CCDC146: variants seen among roughly 807,000 people sequenced by gnomAD.
The protein encoded by CCDC146 is coiled-coil domain containing 146, also known as coiled-coil domain-containing protein 146.
In CCDC146, 92 loss-of-function variants were observed where a neutral mutation model predicts 119.3. The ratio of observed to expected loss-of-function variants is 0.77; its 90% CI spans 0.65 to 0.92. The LOEUF is 0.92. Ranked by LOEUF, CCDC146 falls within the 40% of genes least tolerant of loss-of-function variation. CCDC146 has a pLI of 0.00. For missense variants in CCDC146, 1,000 were observed against 1,103.0 expected (o/e 0.91, Z 1.32); for synonymous variants, 372 against 371.8 (o/e 1.00, Z -0.01).
intron 2 of CCDC146, among the ~76,000 whole-genome samples, chr7:77,184,246 C>A (rs767831497): frequency 3.3e-5 from 5 of 152,220 alleles, no homozygotes; most frequent in Non-Finnish European, 5.9e-5. Flanking sequence ...CTCCTGGCTT[C>A]TTTTCCAACC....
chr7:77,173,202 A>AT (rs1275306515), intron 2 of CCDC146, among the ~76,000 whole-genome samples: 12 of 151,586 alleles, frequency 7.9e-5, no homozygotes, highest in Non-Finnish European at 1.6e-4. Context: ...TTATCCCTTT[A>AT]TTTTTTTTAA....
In CCDC146 at chr7:77,182,128, T is replaced by C. The variant is rs529134218; in HGVS notation, c.156+14304T>C. On this transcript the variant is annotated intron_variant, in intron 2 of 18. Transcript: ENST00000285871. ...AATACAAAATAAAGAGGCACAAGAA[T>C]TACCTGACATTAAACCTCAGATTAG... Among the ~76,000 whole-genome samples the C allele has an allele frequency of 5.3e-5, 8 of 152,256 alleles. No homozygotes were observed. In the South Asian group the frequency reaches 8.3e-4, roughly 16 times the overall value.
At chr7:77,141,795 T>A (rs1790937071) in intron 1 of CCDC146, among the ~76,000 whole-genome samples, 1 of 152,222 alleles carries the variant, frequency 6.6e-6, no homozygotes, top group Non-Finnish European at 1.5e-5. Flanking sequence ...TTTAAGTTCC[T>A]TGTAGATTCT....
intron 2 of CCDC146, among the ~76,000 whole-genome samples, chr7:77,231,115 G>A (rs777893982): frequency 1.3e-5 from 2 of 152,098 alleles, no homozygotes; most frequent in African/African-American, 4.8e-5. Flanking sequence ...TCATCCCTTT[G>A]TCCAGCATGT....
chr7:77,209,220 T>C (rs1792137051), intron 2 of CCDC146, among the ~76,000 whole-genome samples: 1 of 152,184 alleles, frequency 6.6e-6, no homozygotes, highest in Non-Finnish European at 1.5e-5. Flanking sequence ...CCAAGATACA[T>C]GGGAGCACAG....
intron 2 of CCDC146, among the ~76,000 whole-genome samples, chr7:77,175,955 T>C (rs111924755): frequency 0.025 from 3,811 of 151,254 alleles, 91 homozygotes; most frequent in South Asian, 0.046. Context: ...CATATGAGGA[T>C]ACAAGCAGTG....
chr7:77,212,950 A>ATTTTTT (rs5885013), intron 2 of CCDC146, among the ~76,000 whole-genome samples: 8 of 111,280 alleles, frequency 7.2e-5, no homozygotes, highest in South Asian at 2.8e-4. Flanking sequence ...GGTCACATTA[A>ATTTTTT]TTTTTTTTTT....
In CCDC146 at chr7:77,241,868, AAG is replaced by A. The variant is rs1792855938; in HGVS notation, c.422_423del (p.Glu141ValfsTer3). On this transcript the variant is annotated frameshift_variant, in exon 4 of 19. Coordinates refer to ENST00000285871, the MANE Select transcript of CCDC146 (RefSeq NM_020879.3). LOFTEE classifies it high-confidence loss of function. Reference sequence around the variant, plus strand: ...AAAATGAATATAATGCAGTGAAGGAAAGAGAGTTCCATAATCAGTACAGATTA... The same window carrying A: ...AAAATGAATATAATGCAGTGAAGGAAAGAGTTCCATAATCAGTACAGATTA... ...YQNEYNAVKEREFHNQYRLNS... is the reference protein window; with the variant it reads ...YQNEYNAVKEXEFHNQYRLNS... 3 of 1,613,900 alleles carry A rather than the reference AAG, an allele frequency of 1.9e-6. No individual in the cohort carries two copies. Among genetic ancestry groups the A allele is most frequent in the Admixed American group, 1.7e-5 (1 of 60,034 alleles).
chr7:77,265,168 T>C (rs1562854006), intron 9 of CCDC146, among the ~76,000 whole-genome samples: 2 of 152,184 alleles, frequency 1.3e-5, no homozygotes, highest in African/African-American at 4.8e-5. Flanking sequence ...CCCTCCTCAG[T>C]CATAGTAAGA....
intron 3 of CCDC146, among the ~76,000 whole-genome samples, chr7:77,238,747 A>T (rs1260246353): frequency 6.6e-6 from 1 of 151,978 alleles, no homozygotes; most frequent in Non-Finnish European, 1.5e-5. Flanking sequence ...CCCAGTGGAG[A>T]TTTGCAGGGT....
At chr7:77,287,084 C>A in intron 16 of CCDC146, 158 bp downstream of exon 16, 1 of 847,578 alleles carries the variant, frequency 1.2e-6, no homozygotes, top group Non-Finnish European at 1.8e-6. Context: ...ACATTCTAAG[C>A]TTGATTTAGA....
At chr7:77,173,537 G>A (rs1228069535) in intron 2 of CCDC146, among the ~76,000 whole-genome samples, 10 of 152,144 alleles carry the variant, frequency 6.6e-5, no homozygotes, top group African/African-American at 2.2e-4. Context: ...GCTGAGGCAG[G>A]AGAATTGCTT....
chr7:77,230,255 G>A (rs917705897), intron 2 of CCDC146, among the ~76,000 whole-genome samples: 1 of 151,866 alleles, frequency 6.6e-6, no homozygotes, highest in Admixed American at 6.6e-5. Context: ...TGCCATATTT[G>A]TGTCCAAGCT....
chr7:77,274,720 C>A, intron 11 of CCDC146, 68 bp downstream of exon 11: 1 of 1,217,088 alleles, frequency 8.2e-7, no homozygotes, highest in Non-Finnish European at 1.2e-6. Context: ...TATAATGCCA[C>A]GTGCATTAGG....
chr7:77,139,446 G>C (rs1790904005), intron 1 of CCDC146, among the ~76,000 whole-genome samples: 1 of 152,182 alleles, frequency 6.6e-6, no homozygotes. Context: ...ATGGATACCT[G>C]TCATTATACA....
chr7:77,285,187 T>C (rs1793827525), intron 15 of CCDC146, among the ~76,000 whole-genome samples: 1 of 152,156 alleles, frequency 6.6e-6, no homozygotes, highest in Admixed American at 6.6e-5. Context: ...GGACACTATT[T>C]TACATAGACA....
intron 2 of CCDC146, among the ~76,000 whole-genome samples, chr7:77,170,931 G>T (rs1341493166): frequency 6.6e-6 from 1 of 152,112 alleles, no homozygotes; most frequent in Non-Finnish European, 1.5e-5. Context: ...GCTGGCAAAG[G>T]TGTGGAGAAA....
At position 77,274,520 on chromosome 7, in the gene CCDC146, A is replaced by G; in HGVS notation, c.1308A>G (p.Gln436=). The G allele has an allele frequency of 1.2e-6, 2 of 1,606,210 alleles. No homozygotes were observed. The highest frequency in any genetic ancestry group is 1.7e-6 in the Non-Finnish European group (2 of 1,176,130). The change falls in exon 11 of 19, where the codon CAA becomes CAG. Residue 436 remains glutamine (Q), a synonymous_variant. Transcript: ENST00000285871. ...AAATGGAGTCTAAGTTAGTAGAACA[A>G]CAACTTGCAGAAGAAAACAAGCTTT... ...ISEMESKLVE[Q]QLAEENKLLK...
chr7:77,229,384 T>C (rs752399181), intron 2 of CCDC146, among the ~76,000 whole-genome samples: 5 of 152,348 alleles, frequency 3.3e-5, no homozygotes, highest in Admixed American at 6.5e-5. Context: ...CATCAGTAAA[T>C]CTTTGCCTGT....
Sources: allele counts gnomAD v4.1 joint callset (sites outside exome capture counted in the v4.1 genomes callset), GRCh38; gene constraint gnomAD v4.1.1; transcripts MANE v1.5; gene names NCBI Gene and HGNC (gene_info 2026-07-23, HGNC 2026-07-21).